The following ASCC3 variants were observed in gnomAD, a reference collection of about 807,000 sequenced individuals.
ASCC3 encodes activating signal cointegrator 1 complex subunit 3, also known as ASC-1 complex subunit P200.
Under a neutral mutation model 256.3 loss-of-function variants are expected in ASCC3, and 158 were observed. The observed-to-expected ratio is 0.62, with a 90% CI of 0.54 to 0.70. The LOEUF (loss-of-function observed/expected upper bound fraction) is 0.70. Among genes scored for constraint, ASCC3 ranks in the 30% least tolerant of loss-of-function variants. ASCC3 has a pLI of 0.00. For synonymous variants in ASCC3, 948 were observed against 883.4 expected (o/e 1.07, Z -1.30); for missense variants, 2,259 against 2,626.0 (o/e 0.86, Z 3.05).
chr6:100,864,315 A>T (rs1156419545), intron 2 of ASCC3, 101 bp from the exon 3 acceptor site: 3 of 1,044,814 alleles, frequency 2.9e-6, no homozygotes, highest in Non-Finnish European at 4.2e-6. Context: ...ACTTGGTACT[A>T]CCCACAAGAA....
At chr6:100,545,217 G>A (rs965728155) in intron 36 of ASCC3, among the ~76,000 whole-genome samples, 20 of 152,100 alleles carry the variant, frequency 1.3e-4, no homozygotes, top group Admixed American at 9.2e-4. Flanking sequence ...TTGCTCTGTC[G>A]CCCAGGCTGG....
intron 36 of ASCC3, among the ~76,000 whole-genome samples, chr6:100,556,064 T>C (rs1284205665): frequency 6.6e-6 from 1 of 152,170 alleles, no homozygotes; most frequent in African/African-American, 2.4e-5. Context: ...AAACCATATA[T>C]ATTTATTAGA....
intron 8 of ASCC3, among the ~76,000 whole-genome samples, chr6:100,774,321 T>C (rs1347535351): frequency 2.0e-5 from 3 of 151,872 alleles, no homozygotes; most frequent in Admixed American, 2.0e-4. Context: ...CATGTGCATG[T>C]ACATGACACG....
At chr6:100,672,036 T>C (rs1776777369) in intron 14 of ASCC3, among the ~76,000 whole-genome samples, 1 of 152,098 alleles carries the variant, frequency 6.6e-6, no homozygotes, top group African/African-American at 2.4e-5. Flanking sequence ...CTTTGAATTC[T>C]TGTCTGTTCT....
At chr6:100,658,053 A>G (rs1776002412) in intron 16 of ASCC3, among the ~76,000 whole-genome samples, 1 of 151,530 alleles carries the variant, frequency 6.6e-6, no homozygotes, top group South Asian at 2.1e-4. Context: ...TGGATATGGT[A>G]ACAAATAGAG....
Position 100,644,033 on chromosome 6 carries a change from G to GT in ASCC3, c.3729dup (p.Gln1244ThrfsTer4), listed in dbSNP as rs764916359. On this transcript the variant is annotated frameshift_variant, in exon 23 of 42. Transcript: ENST00000369162. LOFTEE classifies it high-confidence loss of function. ...TATATTCACATATATACACTTACTT[G>GT]TTTTTTTAGAGCTAGAAAATACTCT... is the stretch of plus-strand genomic sequence containing the variant. The GT allele has an allele frequency of 3.1e-6, 5 of 1,601,866 alleles. No individual in the cohort carries two copies. Among genetic ancestry groups the GT allele is most frequent in the Admixed American group, 1.7e-5 (1 of 59,934 alleles).
At chr6:100,773,360 G>A (rs570375363) in intron 8 of ASCC3, among the ~76,000 whole-genome samples, 22 of 152,206 alleles carry the variant, frequency 1.4e-4, no homozygotes, top group Admixed American at 3.9e-4. Context: ...AAGAAACAGA[G>A]TATACTATTC....
At chr6:100,646,068 A>C (rs1368215223) in intron 22 of ASCC3, among the ~76,000 whole-genome samples, 1 of 152,136 alleles carries the variant, frequency 6.6e-6, no homozygotes, top group Admixed American at 6.5e-5. Flanking sequence ...AAAAATCTTG[A>C]ATTTTTTGGA....
intron 3 of ASCC3, 129 bp downstream of exon 3, chr6:100,863,935 C>A (rs1340211990): frequency 8.8e-6 from 8 of 912,114 alleles, no homozygotes; most frequent in Non-Finnish European, 1.3e-5. Flanking sequence ...GACTGTCTTT[C>A]ATAATTATGA....
At chr6:100,869,521 A>G (rs1773634937) in intron 1 of ASCC3, among the ~76,000 whole-genome samples, 2 of 152,228 alleles carry the variant, frequency 1.3e-5, no homozygotes, top group Non-Finnish European at 2.9e-5. Context: ...AAATAAAAAT[A>G]TATACTTGTT....
Position 100,608,234 on chromosome 6 carries a change from TTATACTTTATATATATACTTTATA to T in ASCC3, c.4786-1170_4786-1147del, listed in dbSNP as rs1362726362. 1.6e-3 allele frequency among the ~76,000 whole-genome samples: 52 copies of T among 32,094 alleles called. 10 individuals carry two copies. In the East Asian group the frequency reaches 0.019, roughly 12 times the overall value. The allele number at this position is 32,094 out of a possible 152,430, so 21.1% of individuals were successfully genotyped here. ...ACTTTATATATATACTTTATATACT[TTATACTTTATATATATACTTTATA>T]TATACTTTATATATATACTTTATAT... On this transcript the variant is annotated intron_variant, in intron 30 of 41. Transcript: ENST00000369162.
chr6:100,662,166 G>C (rs114831312), intron 15 of ASCC3, 136 bp from the exon 16 acceptor site: 24,135 of 1,109,952 alleles, frequency 0.022, 331 homozygotes, highest in African/African-American at 0.055. Context: ...ATCTGTGATA[G>C]AGTAAAATTT....
At chr6:100,585,155 G>A (rs2114759855) in intron 36 of ASCC3, among the ~76,000 whole-genome samples, 1 of 152,212 alleles carries the variant, frequency 6.6e-6, no homozygotes, top group Admixed American at 6.5e-5. Flanking sequence ...AGTTCTCCTG[G>A]ATAATATCCT....
At chr6:100,712,751 C>CTTTT (rs58286754) in intron 13 of ASCC3, among the ~76,000 whole-genome samples, 9 of 69,744 alleles carry the variant, frequency 1.3e-4, no homozygotes, top group Admixed American at 2.1e-4. Context: ...CAATTATACT[C>CTTTT]TTTTTTTTTT....
At chr6:100,543,542 A>G (rs1473352840) in intron 36 of ASCC3, among the ~76,000 whole-genome samples, 2 of 152,172 alleles carry the variant, frequency 1.3e-5, no homozygotes, top group African/African-American at 4.8e-5. Flanking sequence ...CAGTAGTTCA[A>G]AGAAAGGCAG....
chr6:100,636,594 A>G (rs1179684322), intron 25 of ASCC3, among the ~76,000 whole-genome samples: 1 of 152,160 alleles, frequency 6.6e-6, no homozygotes, highest in Non-Finnish European at 1.5e-5. Context: ...CTTAGGGAGG[A>G]AGGCATGTCG....
At chr6:100,713,226 G>GT (rs748790839) in intron 13 of ASCC3, among the ~76,000 whole-genome samples, 1 of 152,228 alleles carries the variant, frequency 6.6e-6, no homozygotes, top group East Asian at 1.9e-4. Context: ...GGATAATGGT[G>GT]TATTACTCAA....
intron 8 of ASCC3, among the ~76,000 whole-genome samples, chr6:100,791,093 T>A (rs1045597600): frequency 6.6e-6 from 1 of 151,826 alleles, no homozygotes; most frequent in East Asian, 1.9e-4. Flanking sequence ...AGTCAAAAAT[T>A]GATAAAAATT....
At chr6:100,625,051 T>C (rs1774156683) in intron 30 of ASCC3, 141 bp downstream of exon 30, 2 of 962,616 alleles carry the variant, frequency 2.1e-6, no homozygotes, top group South Asian at 1.6e-5. Context: ...GAACAAACTA[T>C]AACAGAATAT....
Sources: gnomAD v4.1 joint callset for allele counts (sites outside exome capture counted in the v4.1 genomes callset) on GRCh38, gnomAD v4.1.1 for gene constraint, MANE v1.5 for transcripts, NCBI Gene and HGNC (gene_info 2026-07-23, HGNC 2026-07-21) for gene names.